The following ZNF407 variants were observed in gnomAD, a reference collection of about 807,000 sequenced individuals.
The protein encoded by ZNF407 is zinc finger protein 407.
A neutral mutation model predicts 131.2 loss-of-function variants in ZNF407; 17 were observed. That is an observed-to-expected ratio of 0.13 (90% confidence interval 0.09 to 0.19). The LOEUF is 0.19. Among genes scored for constraint, ZNF407 ranks in the 10% least tolerant of loss-of-function variants. The pLI is 1.00. For synonymous variants in ZNF407, 1,156 were observed against 1,062.0 expected, an observed-to-expected ratio of 1.09 and a Z score of -1.72; for missense variants, 2,681 against 2,830.6, an observed-to-expected ratio of 0.95 and a Z score of 1.20.
Position 74,635,826 on chromosome 18 carries a change from G to T in ZNF407, c.4687+120G>T, listed in dbSNP as rs949976667. ...TCCACCCGGTTCACATTTCACTGCC[G>T]TGTGCTGCTCTGCTTGTCTGCAATA... is the stretch of plus-strand genomic sequence containing the variant. On this transcript the variant is annotated intron_variant, in intron 2 of 8. Transcript: ENST00000299687. This position sits in a 1 kb window ranked among gnomAD's most constrained non-coding sequence, Gnocchi z 4.7. 1.5e-6 allele frequency: 2 copies of T among 1,349,934 alleles called. No homozygotes were observed. The highest frequency in any genetic ancestry group is 2.0e-6 in the Non-Finnish European group (2 of 997,940). The allele number at this position is 1,349,934 out of a possible 1,614,324, so 83.6% of individuals were successfully genotyped here. A position where few individuals can be genotyped will look rare whatever the true frequency, so the allele number is the denominator to read the frequency against.
intron 8 of ZNF407, among the ~76,000 whole-genome samples, chr18:75,033,068 A>G (rs979131169): frequency 7.6e-6 from 1 of 131,854 alleles, no homozygotes; most frequent in Non-Finnish European, 1.6e-5. Flanking sequence ...AGATAGTATT[A>G]GATAACTAAG....
intron 3 of ZNF407, among the ~76,000 whole-genome samples, chr18:74,658,934 A>G (rs1568150995): frequency 6.6e-6 from 1 of 152,122 alleles, no homozygotes; most frequent in African/African-American, 2.4e-5. Flanking sequence ...ATCTATCTAT[A>G]TATATATTCT....
intron 3 of ZNF407, among the ~76,000 whole-genome samples, chr18:74,643,968 A>G (rs1435283508): frequency 6.6e-6 from 1 of 151,984 alleles, no homozygotes; most frequent in Non-Finnish European, 1.5e-5. Flanking sequence ...TTAGTTTGAC[A>G]GAAGAAGCTG....
At chr18:75,052,310 C>A (rs547113548) in intron 8 of ZNF407, among the ~76,000 whole-genome samples, 1 of 152,178 alleles carries the variant, frequency 6.6e-6, no homozygotes, top group Non-Finnish European at 1.5e-5. Flanking sequence ...TTATCTGCCA[C>A]AGGAGTCGCG....
intron 3 of ZNF407, among the ~76,000 whole-genome samples, chr18:74,687,479 C>T (rs568233530): frequency 1.2e-3 from 178 of 152,026 alleles, no homozygotes; most frequent in African/African-American, 3.9e-3. Flanking sequence ...GGCAGAGTGG[C>T]GGGAAAAGGA....
At chr18:75,030,701 C>G (rs1272142283) in intron 8 of ZNF407, among the ~76,000 whole-genome samples, 3 of 152,178 alleles carry the variant, frequency 2.0e-5, no homozygotes, top group Non-Finnish European at 4.4e-5. Flanking sequence ...AGGACCCATG[C>G]TGGGCGTGCT....
chr18:74,864,536 A>G (rs1169113790), intron 4 of ZNF407, among the ~76,000 whole-genome samples: 1 of 152,152 alleles, frequency 6.6e-6, no homozygotes, highest in Admixed American at 6.6e-5. Flanking sequence ...TTCTCTTCAC[A>G]TCCTGAGCCT....
chr18:74,709,421 C>A (rs1288882619), intron 3 of ZNF407, among the ~76,000 whole-genome samples: 5 of 152,106 alleles, frequency 3.3e-5, no homozygotes, highest in African/African-American at 4.8e-5. Context: ...CATTTATGCT[C>A]AAAATCTGTA....
chr18:74,820,831 A>G (rs1263452790), intron 4 of ZNF407, among the ~76,000 whole-genome samples: 1 of 152,130 alleles, frequency 6.6e-6, no homozygotes, highest in African/African-American at 2.4e-5. Flanking sequence ...GGCATCACCT[A>G]TGCCGTGAAA....
At chr18:74,649,298 G>A (rs932020502) in intron 3 of ZNF407, among the ~76,000 whole-genome samples, 1 of 152,110 alleles carries the variant, frequency 6.6e-6, no homozygotes, top group East Asian at 1.9e-4. Context: ...GTGTTAATGG[G>A]GTACTGGAAA....
intron 3 of ZNF407, among the ~76,000 whole-genome samples, chr18:74,679,641 G>A (rs561446873): frequency 6.6e-6 from 1 of 152,318 alleles, no homozygotes; most frequent in South Asian, 2.1e-4. Flanking sequence ...TCTTAAGGCA[G>A]TCCATTCTGT....
chr18:74,813,010 T>C lies in ZNF407; in HGVS notation c.4877+31508T>C, dbSNP rs141427654. On this transcript the variant is annotated intron_variant, in intron 4 of 8. Transcript: ENST00000299687. ...CCCTCATTTCATCTCTTTGATGTGG[T>C]CATCATAGTTCTTTCAAGGTTTTTA... Among the ~76,000 whole-genome samples, 58 of 152,314 alleles carry C rather than the reference T, an allele frequency of 3.8e-4. No homozygotes were observed. In the East Asian group the frequency reaches 7.1e-3, roughly 19 times the overall value.
chr18:74,739,527 T>G (rs1207291612), intron 3 of ZNF407, among the ~76,000 whole-genome samples: 1 of 151,670 alleles, frequency 6.6e-6, no homozygotes, highest in East Asian at 1.9e-4. Context: ...TATATATGTA[T>G]GTATGTATGT....
intron 7 of ZNF407, among the ~76,000 whole-genome samples, chr18:74,893,165 A>G (rs1446043762): frequency 2.6e-5 from 4 of 152,184 alleles, no homozygotes; most frequent in Non-Finnish European, 5.9e-5. Flanking sequence ...CATCCATGTT[A>G]TACCTCTGTC....
intron 1 of ZNF407, among the ~76,000 whole-genome samples, chr18:74,619,979 G>A (rs1209779804): frequency 6.6e-6 from 1 of 150,452 alleles, no homozygotes; most frequent in Non-Finnish European, 1.5e-5. Flanking sequence ...TTAACTCGTA[G>A]AATTGCCATT....
chr18:75,060,529 G>A (rs868566740), intron 8 of ZNF407, among the ~76,000 whole-genome samples: 10 of 117,230 alleles, frequency 8.5e-5, no homozygotes, highest in Middle Eastern at 7.0e-3. Context: ...TTTTTGCGAC[G>A]GAGTCTCGCT....
chr18:74,727,247 C>T (rs773069259), intron 3 of ZNF407, among the ~76,000 whole-genome samples: 6 of 151,774 alleles, frequency 4.0e-5, no homozygotes, highest in South Asian at 2.1e-4. Flanking sequence ...TCCTGTAGAA[C>T]GGTGGTGAAG....
At chr18:74,676,610 A>AT (rs1344091044) in intron 3 of ZNF407, among the ~76,000 whole-genome samples, 11 of 136,982 alleles carry the variant, frequency 8.0e-5, no homozygotes, top group Admixed American at 3.0e-4. Flanking sequence ...GTAATTTTGT[A>AT]TTTTTAGTAG....
chr18:74,898,109 T>C (rs975041846), intron 7 of ZNF407: 4 of 152,158 alleles, frequency 2.6e-5, no homozygotes, highest in African/African-American at 9.7e-5. Context: ...ATTTGGAAAA[T>C]GGTGATGCCG....
Sources: allele counts gnomAD v4.1 joint callset (sites outside exome capture counted in the v4.1 genomes callset), GRCh38; gene constraint gnomAD v4.1.1; non-coding constraint Gnocchi (gnomAD v3.1); transcripts MANE v1.5; gene names NCBI Gene and HGNC (gene_info 2026-07-23, HGNC 2026-07-21).